The following CAST variants were observed in gnomAD, a reference collection of about 807,000 sequenced individuals.
CAST encodes calpastatin, also known as MIR583 host.
In CAST, 76 loss-of-function variants were observed where a neutral mutation model predicts 119.6. The ratio of observed to expected loss-of-function variants is 0.64; its 90% CI spans 0.53 to 0.77. The LOEUF is 0.77. CAST is among the 30% of genes least tolerant of loss of function. The pLI, the probability that CAST is intolerant of heterozygous loss-of-function variation, is 0.00. For missense variants in CAST, 953 were observed against 946.5 expected, an observed-to-expected ratio of 1.01 and a Z score of -0.09; for synonymous variants, 319 against 331.6, an observed-to-expected ratio of 0.96 and a Z score of 0.41.
At chr5:95,969,417 C>A in the CAST span, among the ~76,000 whole-genome samples, 5 of 152,016 alleles carry the variant, frequency 3.3e-5, no homozygotes, top group Admixed American at 1.3e-4. Flanking sequence ...GTAAAGGGAA[C>A]AAAAGAGATT....
At chr5:96,110,767 T>TC in the CAST span, among the ~76,000 whole-genome samples, 1 of 152,142 alleles carries the variant, frequency 6.6e-6, no homozygotes, top group Non-Finnish European at 1.5e-5. Context: ...AGTAAGCAGG[T>TC]CAAAGAGGTC....
the CAST span, among the ~76,000 whole-genome samples, chr5:96,420,907 G>A: frequency 6.6e-6 from 1 of 152,180 alleles, no homozygotes. Flanking sequence ...TATACCAAGA[G>A]CTGTTAGATG....
chr5:96,458,027 G>T, the CAST span, among the ~76,000 whole-genome samples: 5 of 152,122 alleles, frequency 3.3e-5, no homozygotes, highest in African/African-American at 1.2e-4. Flanking sequence ...GACTTCATGG[G>T]TTAACAGCTC....
At chr5:96,411,372 A>G in the CAST span, among the ~76,000 whole-genome samples, 1 of 152,364 alleles carries the variant, frequency 6.6e-6, no homozygotes, top group South Asian at 2.1e-4. Context: ...TGATAGAATG[A>G]CAAAATTAGG....
At chr5:96,408,246 G>T in the CAST span, 1 of 1,613,996 alleles carries the variant, frequency 6.2e-7, no homozygotes, top group East Asian at 2.2e-5. Context: ...CCAGAGCGAA[G>T]ATGCCAGCAG....
At chr5:96,452,203 G>T in the CAST span, among the ~76,000 whole-genome samples, 1 of 152,146 alleles carries the variant, frequency 6.6e-6, no homozygotes, top group Non-Finnish European at 1.5e-5. Flanking sequence ...GATGTTTACT[G>T]AAGCACTGTT....
upstream of CAST, among the ~76,000 whole-genome samples, chr5:96,522,280 C>G (rs959113653): frequency 3.3e-4 from 50 of 152,240 alleles, no homozygotes; most frequent in African/African-American, 1.2e-3. Flanking sequence ...GGCTAGCCAC[C>G]CACTCTCCAT....
chr5:96,722,436 TAGC>T (rs2067125), intron 3 of CAST, among the ~76,000 whole-genome samples, 200 bp from the exon 4 acceptor site: 32,157 of 151,982 alleles, frequency 0.21, 3,493 homozygotes, highest in East Asian at 0.34. Flanking sequence ...GTTTAGTAAA[TAGC>T]AGACCCAAAT....
At chr5:96,035,041 G>GTATATATATATA in the CAST span, among the ~76,000 whole-genome samples, 5 of 107,962 alleles carry the variant, frequency 4.6e-5, no homozygotes, top group African/African-American at 1.7e-4. Flanking sequence ...TTGTATTTAA[G>GTATATATATATA]TATATATATA....
the CAST span, among the ~76,000 whole-genome samples, chr5:96,218,135 A>G: frequency 1.3e-5 from 2 of 152,198 alleles, no homozygotes; most frequent in Non-Finnish European, 2.9e-5. Flanking sequence ...ATGGGTTCAA[A>G]TTACAGTCTA....
chr5:96,479,258 T>A, the CAST span, among the ~76,000 whole-genome samples: 1 of 152,196 alleles, frequency 6.6e-6, no homozygotes, highest in South Asian at 2.1e-4. Context: ...CACTGGTAGC[T>A]GCTTCTGGAT....
the CAST span, among the ~76,000 whole-genome samples, chr5:96,010,800 T>G: frequency 2.0e-5 from 3 of 152,238 alleles, no homozygotes; most frequent in African/African-American, 7.2e-5. Flanking sequence ...GTAATTTTCC[T>G]TGTAGAGATC....
At chr5:96,454,784 A>T in the CAST span, among the ~76,000 whole-genome samples, 1 of 152,248 alleles carries the variant, frequency 6.6e-6, no homozygotes, top group Admixed American at 6.5e-5. Flanking sequence ...ACTGAATCTC[A>T]AAGAGAGATG....
the CAST span, among the ~76,000 whole-genome samples, chr5:96,418,495 G>A: frequency 6.6e-6 from 1 of 152,174 alleles, no homozygotes; most frequent in African/African-American, 2.4e-5. Flanking sequence ...TACCTGCACT[G>A]TTAAGATTTT....
At chr5:96,492,533 C>T in the CAST span, among the ~76,000 whole-genome samples, 8 of 152,164 alleles carry the variant, frequency 5.3e-5, no homozygotes, top group East Asian at 1.9e-4. Flanking sequence ...CAAAGCTTTT[C>T]GCTTACATAG....
At chr5:96,573,346 A>G (rs1024728420) in intron 1 of CAST, among the ~76,000 whole-genome samples, 1 of 152,080 alleles carries the variant, frequency 6.6e-6, no homozygotes, top group African/African-American at 2.4e-5. Flanking sequence ...AACGACATGC[A>G]CAAGCCAGAC....
At chr5:96,509,294 G>A in the CAST span, among the ~76,000 whole-genome samples, 2 of 152,240 alleles carry the variant, frequency 1.3e-5, no homozygotes, top group Non-Finnish European at 2.9e-5. Flanking sequence ...CTTCCCTGCA[G>A]CACAACAACG....
the CAST span, chr5:96,379,515 A>T: frequency 6.6e-6 from 1 of 152,172 alleles, no homozygotes; most frequent in Non-Finnish European, 1.5e-5. Context: ...ATAAATTCTG[A>T]TAAATTACAG....
chr5:96,665,037 C>A (rs1749139250), intron 1 of CAST, among the ~76,000 whole-genome samples: 1 of 152,166 alleles, frequency 6.6e-6, no homozygotes, highest in African/African-American at 2.4e-5. Flanking sequence ...TGCTTTTAAC[C>A]CTGTTTTGTT....
Sources: allele counts gnomAD v4.1 joint callset (sites outside exome capture counted in the v4.1 genomes callset), GRCh38; gene constraint gnomAD v4.1.1; transcripts MANE v1.5; gene names NCBI Gene and HGNC (gene_info 2026-07-23, HGNC 2026-07-21).